TUSC3: variants seen among roughly 807,000 people sequenced by gnomAD.
TUSC3 encodes the protein dolichyl-diphosphooligosaccharide--protein glycosyltransferase subunit TUSC3.
In TUSC3, 45 loss-of-function variants were observed where a neutral mutation model predicts 44.8. The observed-to-expected ratio is 1.00, with a 90% CI of 0.79 to 1.29. TUSC3 has a LOEUF of 1.29. Ranked by LOEUF, TUSC3 falls within the 50% of genes most tolerant of loss-of-function variation. TUSC3 has a pLI of 0.00. For missense variants in TUSC3, 519 were observed against 437.9 expected (o/e 1.19, Z -1.65); for synonymous variants, 212 against 152.9 (o/e 1.39, Z -2.85).
At chr8:15,841,696 T>C in the TUSC3 span, among the ~76,000 whole-genome samples, 1 of 152,168 alleles carries the variant, frequency 6.6e-6, no homozygotes, top group African/African-American at 2.4e-5. Context: ...GTATTTTTAG[T>C]AGAGACGGGG....
chr8:15,447,914 A>G (rs1322563078), intron 1 of TUSC3, among the ~76,000 whole-genome samples: 1 of 151,362 alleles, frequency 6.6e-6, no homozygotes, highest in Non-Finnish European at 1.5e-5. Flanking sequence ...ATAAAGTTAC[A>G]TTGTTCAACA....
At chr8:15,767,219 C>G (rs1436116494), downstream of TUSC3, among the ~76,000 whole-genome samples, 3 of 152,004 alleles carry the variant, frequency 2.0e-5, no homozygotes, top group Non-Finnish European at 2.9e-5. Context: ...TCCTCTATGT[C>G]TGAAATACAT....
intron 1 of TUSC3, among the ~76,000 whole-genome samples, chr8:15,617,897 T>G (rs781175068): frequency 1.4e-4 from 22 of 152,144 alleles, no homozygotes; most frequent in Non-Finnish European, 3.1e-4. Flanking sequence ...CACCGAAACC[T>G]AGATGGTATA....
intron 1 of TUSC3, among the ~76,000 whole-genome samples, chr8:15,576,681 T>G (rs1253280252): frequency 7.3e-6 from 1 of 136,942 alleles, no homozygotes; most frequent in Admixed American, 7.4e-5. Context: ...ATGGTGTATA[T>G]GTGCCACATT....
chr8:15,487,226 T>A (rs1800744704), intron 2 of TUSC3, among the ~76,000 whole-genome samples: 1 of 152,318 alleles, frequency 6.6e-6, no homozygotes, highest in Admixed American at 6.5e-5. Flanking sequence ...CTACTTTGAA[T>A]TTTTTCTCTA....
At chr8:15,822,231 T>G in the TUSC3 span, among the ~76,000 whole-genome samples, 1 of 152,126 alleles carries the variant, frequency 6.6e-6, no homozygotes, top group Non-Finnish European at 1.5e-5. Context: ...CATGTAATGG[T>G]TGAAATGCTT....
the TUSC3 span, among the ~76,000 whole-genome samples, chr8:15,787,470 G>A: frequency 3.3e-5 from 5 of 152,112 alleles, no homozygotes; most frequent in Admixed American, 2.6e-4. Context: ...GAGTGTATGT[G>A]CATCAGTCTA....
intron 2 of TUSC3, among the ~76,000 whole-genome samples, chr8:15,523,844 T>A (rs1209105389): frequency 6.6e-6 from 1 of 151,172 alleles, no homozygotes; most frequent in Non-Finnish European, 1.5e-5. Flanking sequence ...GATCATGAGG[T>A]CAAGAAATCG....
At position 15,462,868 on chromosome 8, in the gene TUSC3, A is replaced by G. The variant is rs140677843; in HGVS notation, n.92-20518A>G. On this transcript the variant is annotated intron_variant and non_coding_transcript_variant, in intron 1 of 5. Transcript: ENST00000503191. Reference sequence around the variant, plus strand: ...CCAATTCCCTTGGCCAGAGAAGCCAAGGGAAAGAGAATTTACTCTTTTATA... The same window carrying G: ...CCAATTCCCTTGGCCAGAGAAGCCAGGGGAAAGAGAATTTACTCTTTTATA... Among the ~76,000 whole-genome samples, 24 of 152,222 alleles carry G rather than the reference A, an allele frequency of 1.6e-4. No homozygotes were observed. In the East Asian group the frequency reaches 4.6e-3, roughly 29 times the overall value.
At chr8:15,666,550 C>G (rs905217544) in intron 5 of TUSC3, among the ~76,000 whole-genome samples, 1 of 151,390 alleles carries the variant, frequency 6.6e-6, no homozygotes, top group Non-Finnish European at 1.5e-5. Flanking sequence ...TGTGATTTAT[C>G]AGTAGAAATT....
chr8:15,841,736 A>T, the TUSC3 span, among the ~76,000 whole-genome samples: 1 of 151,712 alleles, frequency 6.6e-6, no homozygotes, highest in Non-Finnish European at 1.5e-5. Flanking sequence ...CTGGTCTTGA[A>T]CTCCTGACCT....
intron 2 of TUSC3, among the ~76,000 whole-genome samples, chr8:15,518,435 T>C (rs780718313): frequency 3.3e-5 from 5 of 152,166 alleles, no homozygotes; most frequent in Admixed American, 6.6e-5. Flanking sequence ...ATCAAGGCCT[T>C]CTCAAATCTG....
At chr8:15,822,614 G>C in the TUSC3 span, among the ~76,000 whole-genome samples, 1 of 152,084 alleles carries the variant, frequency 6.6e-6, no homozygotes, top group Non-Finnish European at 1.5e-5. Context: ...AGAAGAGAAG[G>C]CTTCCAAGGA....
intron 1 of TUSC3, among the ~76,000 whole-genome samples, chr8:15,436,200 G>T (rs1462271399): frequency 6.6e-6 from 1 of 152,162 alleles, no homozygotes; most frequent in Non-Finnish European, 1.5e-5. Context: ...CATGGCAGAA[G>T]CCACGTTGCC....
Position 15,488,638 on chromosome 8 carries a change from G to C in TUSC3, n.189+5155G>C, listed in dbSNP as rs562289943. On this transcript the variant is annotated intron_variant and non_coding_transcript_variant, in intron 2 of 5. Coordinates refer to the TUSC3 transcript ENST00000503191. ...TGGGAGCTCATTAGTTTTAGATGACGTCATGAGGGTAGAGTCCCTATGATG... is the reference window on the plus strand; with the variant it reads ...TGGGAGCTCATTAGTTTTAGATGACCTCATGAGGGTAGAGTCCCTATGATG... Among the ~76,000 whole-genome samples the C allele has an allele frequency of 9.9e-4, 150 of 152,202 alleles. 1 individual carries two copies. Among genetic ancestry groups the C allele is most frequent in the African/African-American group, 3.5e-3 (147 of 41,542 alleles).
chr8:15,554,778 T>G (rs1168357775), intron 1 of TUSC3, among the ~76,000 whole-genome samples: 1 of 150,716 alleles, frequency 6.6e-6, no homozygotes, highest in African/African-American at 2.4e-5. Context: ...ATTTTTTTTT[T>G]GTATTTTTAG....
intron 1 of TUSC3, among the ~76,000 whole-genome samples, chr8:15,426,452 A>T (rs1799805532): frequency 6.6e-6 from 1 of 152,194 alleles, no homozygotes; most frequent in South Asian, 2.1e-4. Flanking sequence ...TGCTTCCATG[A>T]GTTTGACTGT....
At chr8:15,441,842 T>C (rs1288897262) in intron 1 of TUSC3, among the ~76,000 whole-genome samples, 1 of 152,222 alleles carries the variant, frequency 6.6e-6, no homozygotes, top group African/African-American at 2.4e-5. Flanking sequence ...TATGCTTCTC[T>C]AAGCACAATG....
intron 2 of TUSC3, among the ~76,000 whole-genome samples, chr8:15,523,700 G>GTATATATATATATATATA (rs1373439598): frequency 1.5e-4 from 16 of 103,264 alleles, no homozygotes; most frequent in Admixed American, 9.4e-4. Context: ...GTGTGTGTGT[G>GTATATATATATATATATA]TGTGTGTGTA....
Sources: gnomAD v4.1 joint callset for allele counts (sites outside exome capture counted in the v4.1 genomes callset) on GRCh38, gnomAD v4.1.1 for gene constraint, MANE v1.5 for transcripts, NCBI Gene and HGNC (gene_info 2026-07-23, HGNC 2026-07-21) for gene names.